The following DPH7 variants were observed in gnomAD, a reference collection of about 807,000 sequenced individuals.
DPH7 encodes the protein diphthine methyltransferase.
A neutral mutation model predicts 41.7 loss-of-function variants in DPH7; 44 were observed. The observed-to-expected ratio is 1.05, with a 90% CI of 0.83 to 1.36. DPH7 has a LOEUF of 1.36. Among genes scored for constraint, DPH7 ranks in the 40% most tolerant of loss-of-function variants. The probability of loss-of-function intolerance (pLI) is 0.00; values close to 1 mark genes in which losing one functional copy is unlikely to be tolerated. For synonymous variants in DPH7, 275 were observed against 238.0 expected (o/e 1.16, Z -1.43); for missense variants, 629 against 577.5 (o/e 1.09, Z -0.91).
In DPH7 at chr9:137,563,531, C is replaced by CAA. The variant is rs3041762; in HGVS notation, c.949+901_949+902dup. 1.6e-4 allele frequency among the ~76,000 whole-genome samples: 14 copies of CAA among 85,212 alleles called. 1 individual carries two copies. Among genetic ancestry groups the CAA allele is most frequent in the East Asian group, 3.9e-4 (1 of 2,574 alleles). The allele number at this position is 85,212 out of a possible 152,430, so 55.9% of individuals were successfully genotyped here. A position where few individuals can be genotyped will look rare whatever the true frequency, so the allele number is the denominator to read the frequency against. ...TGGGTGACAGAGCAAGACTCCGTCT[C>CAA]AAAAAAAAAAAAAAAAAAGAGGAAT... is the stretch of plus-strand genomic sequence containing the variant. On this transcript the variant is annotated intron_variant, in intron 8 of 8. Transcript: ENST00000277540.
intron 4 of DPH7, 153 bp downstream of exon 4, chr9:137,574,599 G>A: frequency 6.9e-6 from 6 of 873,598 alleles, no homozygotes; most frequent in South Asian, 1.6e-5. Flanking sequence ...CTAAAATGGG[G>A]GACCTTTTTT....
rs547435045 is a variant in DPH7, at chr9:137,559,835, C to T, written c.950-4187G>A. Among the ~76,000 whole-genome samples, 5 of 152,268 alleles carry T rather than the reference C, an allele frequency of 3.3e-5. No individual in the cohort carries two copies. In the South Asian group the frequency reaches 1.0e-3, roughly 32 times the overall value. On this transcript the variant is annotated intron_variant, in intron 8 of 8. Transcript: ENST00000277540. ...ATAAATAACAGTGCAGCCAAACATTCGGGGCCACTACCGGTCTCTGCACAT... is the reference window on the plus strand; with the variant it reads ...ATAAATAACAGTGCAGCCAAACATTTGGGGCCACTACCGGTCTCTGCACAT...
intron 5 of DPH7, among the ~76,000 whole-genome samples, chr9:137,573,360 CAAAAAAA>C (rs34523698): frequency 3.5e-4 from 14 of 40,282 alleles, no homozygotes; most frequent in African/African-American, 7.9e-4. Context: ...GACTCCATCT[CAAAAAAA>C]AAAAAAAAAA....
intron 1 of DPH7, 33 bp from the exon 2 acceptor site, chr9:137,577,636 C>G (rs1482968501): frequency 6.2e-7 from 1 of 1,604,164 alleles, no homozygotes; most frequent in South Asian, 1.1e-5. Context: ...CTCTGATTAT[C>G]CCAAGACACG....
intron 5 of DPH7, among the ~76,000 whole-genome samples, chr9:137,569,081 A>G (rs774694804): frequency 6.6e-6 from 1 of 152,068 alleles, no homozygotes; most frequent in Non-Finnish European, 1.5e-5. Flanking sequence ...TCTTCCAAGA[A>G]AAGCAATGCA....
intron 5 of DPH7, among the ~76,000 whole-genome samples, chr9:137,572,917 A>T (rs1048725164): frequency 2.0e-5 from 3 of 152,238 alleles, no homozygotes; most frequent in Non-Finnish European, 2.9e-5. Flanking sequence ...AAAGCACAGA[A>T]ACTGGACTTC....
At chr9:137,565,192 C>G in intron 5 of DPH7, 38 bp from the exon 6 acceptor site, 1 of 1,607,562 alleles carries the variant, frequency 6.2e-7, no homozygotes, top group South Asian at 1.1e-5. Context: ...CCACTAATGA[C>G]AGGAAATGAG....
intron 2 of DPH7, chr9:137,576,434 A>G: frequency 2.3e-6 from 1 of 430,088 alleles, no homozygotes; most frequent in Non-Finnish European, 4.3e-6. Context: ...TAAGAATACA[A>G]TATAAAGGAT....
At chr9:137,578,588 G>GCC in intron 1 of DPH7, 37 bp downstream of exon 1, 5 of 1,436,778 alleles carry the variant, frequency 3.5e-6, no homozygotes, top group Admixed American at 2.8e-5. Flanking sequence ...CTCGTGGCCG[G>GCC]CCCCGCCCTC....
chr9:137,570,556 G>A lies in DPH7; in HGVS notation c.640+3652C>T, dbSNP rs529124214. On this transcript the variant is annotated intron_variant, in intron 5 of 8. Transcript: ENST00000277540. ...ACTCACATTCACCAAAGAGGTCATC[G>A]CAAATTTTAAAATGCAAGTCAGAAT... Among the ~76,000 whole-genome samples, 7 of 152,242 alleles carry A rather than the reference G, an allele frequency of 4.6e-5. No homozygotes were observed. The South Asian group carries it at 8.3e-4, about 18-fold the overall frequency.
rs185486870 is a variant in DPH7, at chr9:137,568,598, A to G, written c.641-3444T>C. Among the ~76,000 whole-genome samples the G allele has an allele frequency of 3.6e-4, 55 of 152,144 alleles. No homozygotes were observed. In the East Asian group the frequency reaches 8.9e-3, roughly 25 times the overall value. On this transcript the variant is annotated intron_variant, in intron 5 of 8. Coordinates refer to ENST00000277540, the MANE Select transcript of DPH7 (RefSeq NM_138778.5). The stretch of plus-strand genomic sequence containing the variant: ...CCCGGGGTGACTCTGTCTGTGAGGA[A>G]GTTCCCCTGGTGACTTTGCTGGAGG...
At chr9:137,569,189 C>T (rs1839946048) in intron 5 of DPH7, among the ~76,000 whole-genome samples, 1 of 151,982 alleles carries the variant, frequency 6.6e-6, no homozygotes, top group Non-Finnish European at 1.5e-5. Context: ...CTAGGCCTAA[C>T]CACATCACCC....
At chr9:137,565,182 C>T (rs771272646) in intron 5 of DPH7, 28 bp from the exon 6 acceptor site, 41 of 1,610,858 alleles carry the variant, frequency 2.5e-5, no homozygotes, top group Non-Finnish European at 3.5e-5. Flanking sequence ...AGCATCAACA[C>T]CACTAATGAC....
intron 1 of DPH7, 138 bp from the exon 2 acceptor site, chr9:137,577,741 T>A (rs756899606): frequency 4.3e-4 from 509 of 1,179,178 alleles, no homozygotes; most frequent in Non-Finnish European, 5.4e-4. Flanking sequence ...AACCTCTGGT[T>A]TTCTGAGCTG....
intron 5 of DPH7, among the ~76,000 whole-genome samples, chr9:137,571,662 CCTATAATCCCAATTA>C (rs1840462162): frequency 6.6e-6 from 1 of 151,938 alleles, no homozygotes; most frequent in South Asian, 2.1e-4. Context: ...GCGGCAGGTG[CCTATAATCCCAATTA>C]CTCAGGAGGC....
chr9:137,576,869 G>T (rs1044828730), intron 2 of DPH7, among the ~76,000 whole-genome samples: 1 of 150,590 alleles, frequency 6.6e-6, no homozygotes, highest in African/African-American at 2.4e-5. Flanking sequence ...TAGCCCGGGC[G>T]ACAGAGCGAG....
At chr9:137,575,667 A>G (rs863701) in intron 3 of DPH7, 217,830 of 1,032,062 alleles carry the variant, frequency 0.21, 25,721 homozygotes, top group African/African-American at 0.46. Context: ...GCATGGCTCC[A>G]GAGCACTGTG....
chr9:137,557,828 C>A (rs1011312032), intron 8 of DPH7, among the ~76,000 whole-genome samples: 4 of 147,976 alleles, frequency 2.7e-5, no homozygotes, highest in African/African-American at 1.0e-4. Context: ...CAAAAAAATA[C>A]ATAAATAAAG....
intron 2 of DPH7, among the ~76,000 whole-genome samples, chr9:137,577,053 C>CAAAAAA (rs71493678): frequency 0.27 from 37,101 of 138,106 alleles, 5,299 homozygotes; most frequent in African/African-American, 0.39. Context: ...AACCCTGCCT[C>CAAAAAA]AAAAAAAAAA....
Sources: allele counts gnomAD v4.1 joint callset (sites outside exome capture counted in the v4.1 genomes callset), GRCh38; gene constraint gnomAD v4.1.1; transcripts MANE v1.5; gene names NCBI Gene and HGNC (gene_info 2026-07-23, HGNC 2026-07-21).